The following NFASC variants were observed in gnomAD, a reference collection of about 807,000 sequenced individuals.
NFASC encodes neurofascin homolog.
In NFASC, 43 loss-of-function variants were observed where a neutral mutation model predicts 147.5. The observed-to-expected ratio is 0.29, with a 90% CI of 0.23 to 0.38. The LOEUF (loss-of-function observed/expected upper bound fraction) is 0.38. Among genes scored for constraint, NFASC ranks in the 10% least tolerant of loss-of-function variants. NFASC has a pLI of 1.00. For missense variants in NFASC, 1,320 were observed against 1,689.0 expected (o/e 0.78, Z 3.83); for synonymous variants, 622 against 665.5 (o/e 0.93, Z 1.01).
intron 1 of NFASC, chr1:204,870,912 G>A: frequency 8.3e-7 from 1 of 1,211,054 alleles, no homozygotes; most frequent in Non-Finnish European, 1.1e-6. Flanking sequence ...CAACTTTCAG[G>A]GAAAAGAAGG....
At chr1:204,925,895 G>A (rs2091411881) in intron 2 of NFASC, among the ~76,000 whole-genome samples, 1 of 152,174 alleles carries the variant, frequency 6.6e-6, no homozygotes, top group Non-Finnish European at 1.5e-5. Context: ...CAGGGCCCAG[G>A]GTGAGGAAGC....
intron 4 of NFASC, among the ~76,000 whole-genome samples, chr1:204,951,543 A>G (rs2094130294): frequency 1.4e-5 from 2 of 145,978 alleles, no homozygotes; most frequent in African/African-American, 2.6e-5. Context: ...ATCTCGGCTC[A>G]CTGCAAGCTC....
In NFASC at chr1:204,897,578, C is replaced by CTTTTTTT. The variant is rs764139649; in HGVS notation, c.-199-23046_-199-23040dup. ...AATTCTAAAGCTTATTTTCTTTTTCCTTTTTTTTTTTTTTAGATAGGGTCT... is the reference window on the plus strand; with the variant it reads ...AATTCTAAAGCTTATTTTCTTTTTCCTTTTTTTTTTTTTTTTTTTTTAGATAGGGTCT... On this transcript the variant is annotated intron_variant, in intron 1 of 29. Coordinates refer to ENST00000339876, the MANE Select transcript of NFASC (RefSeq NM_001005388.3). 2.8e-4 allele frequency among the ~76,000 whole-genome samples: 40 copies of CTTTTTTT among 143,622 alleles called. 1 individual carries two copies. The South Asian group carries it at 4.5e-3, about 16-fold the overall frequency. 94.2% of individuals were successfully genotyped at this position (143,622 alleles called of 152,430 possible).
At position 204,920,736 on chromosome 1, in the gene NFASC, A is replaced by C; in HGVS notation, c.-95A>C. On this transcript the variant is annotated 5_prime_UTR_variant, in exon 2 of 30. Coordinates refer to ENST00000339876, the MANE Select transcript of NFASC (RefSeq NM_001005388.3). ...GCAAGGAAGAGGCTGAATGAGGCAGAGAAGGTAAGCAGGACTTGGGCCTGG... is the reference window on the plus strand; with the variant it reads ...GCAAGGAAGAGGCTGAATGAGGCAGCGAAGGTAAGCAGGACTTGGGCCTGG... The C allele has an allele frequency of 7.8e-7, 1 of 1,285,510 alleles. No homozygotes were observed. The highest frequency in any genetic ancestry group is 1.2e-5 in the South Asian group (1 of 80,936). The allele number at this position is 1,285,510 out of a possible 1,614,324, so 79.6% of individuals were successfully genotyped here. A position where few individuals can be genotyped will look rare whatever the true frequency, so the allele number is the denominator to read the frequency against.
chr1:204,868,629 G>A (rs939902969), intron 1 of NFASC, among the ~76,000 whole-genome samples: 9 of 152,160 alleles, frequency 5.9e-5, no homozygotes, highest in Non-Finnish European at 1.0e-4. Context: ...GGTGGCTTTG[G>A]GAGATGGGCT....
intron 1 of NFASC, among the ~76,000 whole-genome samples, chr1:204,900,495 A>C (rs1426966817): frequency 6.6e-6 from 1 of 152,256 alleles, no homozygotes; most frequent in Admixed American, 6.5e-5. Context: ...CCTTCTATAG[A>C]CTGAACACTA....
At position 204,986,125 on chromosome 1, in the gene NFASC, C is replaced by A. The variant is rs1466023987; in HGVS notation, c.2471-1293C>A. On this transcript the variant is annotated intron_variant, in intron 21 of 29. Transcript: ENST00000339876. The surrounding 1 kb of genome is among the most constrained non-coding windows in gnomAD (Gnocchi z 4.2). ...CCACCCCGGAAGGAGGTAGGTCTGG[C>A]CTGCAGCTCTTCAGGGTGGGGCAGG... 1.2e-6 allele frequency: 2 copies of A among 1,603,788 alleles called. No homozygotes were observed. The highest frequency in any genetic ancestry group is 2.2e-5 in the East Asian group (1 of 44,832).
intron 1 of NFASC, among the ~76,000 whole-genome samples, chr1:204,910,066 G>T (rs533855860): frequency 6.6e-6 from 1 of 151,884 alleles, no homozygotes; most frequent in East Asian, 1.9e-4. Context: ...AGCTATTCTT[G>T]TTCCTTTTTA....
chr1:204,928,553 C>T (rs2091984883), intron 2 of NFASC, among the ~76,000 whole-genome samples: 1 of 152,198 alleles, frequency 6.6e-6, no homozygotes, highest in Admixed American at 6.5e-5. Context: ...AAGCAGCAAC[C>T]ACATTTTCTC....
At position 205,004,139 on chromosome 1, in the gene NFASC, T is replaced by C. The variant is rs562483965; in HGVS notation, c.3289+1391T>C. 2.9e-3 allele frequency among the ~76,000 whole-genome samples: 439 copies of C among 152,328 alleles called. 3 individuals carry two copies. Among genetic ancestry groups the C allele is most frequent in the African/African-American group, 0.01 (420 of 41,568 alleles). On this transcript the variant is annotated intron_variant, in intron 27 of 29. Coordinates refer to ENST00000339876, the MANE Select transcript of NFASC (RefSeq NM_001005388.3). ...GCATTTGATTTTGCTTCATTACATA[T>C]TTGAGTCCAGCACAGCAGCAAAAAG...
chr1:204,842,817 G>A (rs1675752094), intron 1 of NFASC, among the ~76,000 whole-genome samples: 1 of 152,222 alleles, frequency 6.6e-6, no homozygotes, highest in African/African-American at 2.4e-5. Context: ...GCAGATTCCT[G>A]CCTCCTTTCC....
At chr1:204,852,036 G>A (rs16854533) in intron 1 of NFASC, among the ~76,000 whole-genome samples, 28,613 of 152,052 alleles carry the variant, frequency 0.19, 3,869 homozygotes, top group East Asian at 0.52. Context: ...ATTGTTGTTA[G>A]AAACAGGATT....
intron 2 of NFASC, among the ~76,000 whole-genome samples, chr1:204,923,172 TGC>T (rs766852854): frequency 6.6e-5 from 10 of 152,214 alleles, no homozygotes; most frequent in Admixed American, 1.3e-4. Context: ...CTGGAAACAC[TGC>T]GTAGCTGTTT....
intron 1 of NFASC, among the ~76,000 whole-genome samples, chr1:204,843,591 C>T (rs1480079853): frequency 1.2e-5 from 1 of 83,498 alleles, no homozygotes; most frequent in African/African-American, 5.5e-5. Flanking sequence ...TTTCCTTCTT[C>T]CTTCCTTCCT....
intron 27 of NFASC, chr1:205,009,182 G>T (rs2096200929): frequency 8.2e-6 from 3 of 368,002 alleles, no homozygotes; most frequent in Admixed American, 3.8e-5. Context: ...CATCCATGGG[G>T]AATCATACTT....
intron 11 of NFASC, 135 bp downstream of exon 11, chr1:204,970,882 C>A: frequency 2.8e-6 from 3 of 1,073,042 alleles, no homozygotes; most frequent in African/African-American, 1.6e-5. Context: ...TGTTTCTCAG[C>A]TGCCCATCTC....
intron 2 of NFASC, among the ~76,000 whole-genome samples, chr1:204,942,557 G>C (rs1392381847): frequency 1.3e-5 from 2 of 152,214 alleles, no homozygotes; most frequent in Admixed American, 6.5e-5. Context: ...TTGGTTATGA[G>C]TGGAGAGTAA....
Position 204,908,511 on chromosome 1 carries a change from CT to C in NFASC, c.-199-12112del, listed in dbSNP as rs944686514. ...AACTGAAAAACTCTTTTTAATCAAA[CT>C]TTTTTTTTGAGGGTATTATAGATTC... On this transcript the variant is annotated intron_variant, in intron 1 of 29. Transcript: ENST00000339876. Among the ~76,000 whole-genome samples the C allele has an allele frequency of 1.5e-4, 22 of 151,500 alleles. 1 individual carries two copies. The South Asian group carries it at 2.5e-3, about 17-fold the overall frequency.
At chr1:204,872,729 A>G (rs866619584) in intron 1 of NFASC, among the ~76,000 whole-genome samples, 1 of 152,188 alleles carries the variant, frequency 6.6e-6, no homozygotes, top group African/African-American at 2.4e-5. Context: ...TGATGTGCTC[A>G]GGGTGCAACA....
Sources: allele counts gnomAD v4.1 joint callset (sites outside exome capture counted in the v4.1 genomes callset), GRCh38; gene constraint gnomAD v4.1.1; non-coding constraint Gnocchi (gnomAD v3.1); transcripts MANE v1.5; gene names NCBI Gene and HGNC (gene_info 2026-07-23, HGNC 2026-07-21).